Variants in C5orf63 observed in about 807,000 individuals in gnomAD.
The protein encoded by C5orf63 is glutaredoxin-like protein C5orf63.
A neutral mutation model predicts 13.3 loss-of-function variants in C5orf63; 18 were observed. The ratio of observed to expected loss-of-function variants is 1.36; its 90% CI spans 0.94 to 2.01. The LOEUF (loss-of-function observed/expected upper bound fraction) is 2.01. Among genes scored for constraint, C5orf63 ranks in the 30% most tolerant of loss-of-function variants. The pLI is 0.00. For synonymous variants in C5orf63, 38 were observed against 44.7 expected, an observed-to-expected ratio of 0.85 and a Z score of 0.60; for missense variants, 118 against 127.7, an observed-to-expected ratio of 0.92 and a Z score of 0.36.
chr5:127,049,431 T>C (rs1753603854), downstream of C5orf63, among the ~76,000 whole-genome samples: 1 of 152,214 alleles, frequency 6.6e-6, no homozygotes, highest in South Asian at 2.1e-4. Context: ...CCATTGCTTC[T>C]ATTCAGCCAT....
At chr5:127,059,516 C>T (rs1373044083) in intron 2 of C5orf63, among the ~76,000 whole-genome samples, 2 of 151,480 alleles carry the variant, frequency 1.3e-5, no homozygotes, top group African/African-American at 4.9e-5. Context: ...TGACTTGAGC[C>T]CAGGAGTTCA....
intron 2 of C5orf63, among the ~76,000 whole-genome samples, chr5:127,062,938 T>C (rs1161455003): frequency 6.6e-6 from 1 of 151,728 alleles, no homozygotes; most frequent in East Asian, 1.9e-4. Flanking sequence ...TATGCCTCTA[T>C]GATATGAGCA....
chr5:127,072,638 A>ATT (rs142101827), intron 1 of C5orf63, among the ~76,000 whole-genome samples: 1 of 149,642 alleles, frequency 6.7e-6, no homozygotes. Context: ...CATACTATGG[A>ATT]TTTTTTTTTT....
Position 127,072,310 on chromosome 5 carries a change from A to G in C5orf63, c.-109-625T>C, listed in dbSNP as rs72782320. On this transcript the variant is annotated intron_variant, in intron 1 of 4. Transcript: ENST00000296662. ...TAATTATCCAATATTTCCAGGGTGT[A>G]TCTTTTTTCCCCGTGTTTTAAATCT... Among the ~76,000 whole-genome samples, 433 of 152,056 alleles carry G rather than the reference A, an allele frequency of 2.8e-3. 2 individuals carry two copies. The highest frequency in any genetic ancestry group is 3.7e-3 in the Non-Finnish European group (252 of 67,966).
intron 2 of C5orf63, among the ~76,000 whole-genome samples, chr5:127,059,916 C>T (rs537130719): frequency 2.9e-4 from 44 of 152,024 alleles, no homozygotes; most frequent in African/African-American, 1.1e-3. Flanking sequence ...GAGGCCAAGG[C>T]ATCACCTGGG....
At position 127,051,459 on chromosome 5, in the gene C5orf63, T is replaced by A. The variant is rs1427592054; in HGVS notation, c.*312A>T. ...CAGAACCTTCTTCCTATAAATGGCATTGCCCAGTGACTGTGAAGTGCTTCT... is the reference window on the plus strand; with the variant it reads ...CAGAACCTTCTTCCTATAAATGGCAATGCCCAGTGACTGTGAAGTGCTTCT... On this transcript the variant is annotated 3_prime_UTR_variant, in exon 5 of 5. Transcript: ENST00000296662. The A allele has an allele frequency of 6.5e-6, 8 of 1,233,144 alleles. No homozygotes were observed. Among genetic ancestry groups the A allele is most frequent in the Non-Finnish European group, 8.1e-6 (8 of 988,878 alleles). The allele number at this position is 1,233,144 out of a possible 1,614,324, so 76.4% of individuals were successfully genotyped here.
At chr5:127,064,542 T>C (rs1472065398) in intron 2 of C5orf63, among the ~76,000 whole-genome samples, 1 of 152,164 alleles carries the variant, frequency 6.6e-6, no homozygotes, top group African/African-American at 2.4e-5. Flanking sequence ...CACAACACAT[T>C]AAACTATGAA....
chr5:127,070,345 T>C (rs1409028867), intron 2 of C5orf63, among the ~76,000 whole-genome samples: 1 of 152,228 alleles, frequency 6.6e-6, no homozygotes, highest in African/African-American at 2.4e-5. Flanking sequence ...CCTTCCCTCC[T>C]GACTAAAAAT....
downstream of C5orf63, chr5:127,047,579 G>C (rs902489887): frequency 3.2e-6 from 2 of 619,224 alleles, no homozygotes; most frequent in Non-Finnish European, 5.8e-6. Context: ...ACCAACATTA[G>C]GTATATGTAA....
chr5:127,050,617 G>C (rs1753641156), downstream of C5orf63, among the ~76,000 whole-genome samples: 1 of 152,144 alleles, frequency 6.6e-6, no homozygotes, highest in Admixed American at 6.5e-5. Flanking sequence ...CCTGCCAACT[G>C]ACTGGCTGTG....
chr5:127,063,751 G>C (rs1754200017), intron 2 of C5orf63, among the ~76,000 whole-genome samples: 1 of 152,162 alleles, frequency 6.6e-6, no homozygotes, highest in Non-Finnish European at 1.5e-5. Flanking sequence ...AGCTCTCACT[G>C]AACCTATATT....
intron 1 of C5orf63, 129 bp from the exon 2 acceptor site, chr5:127,071,814 A>G (rs1157011465): frequency 6.6e-6 from 1 of 152,220 alleles, no homozygotes; most frequent in African/African-American, 2.4e-5. Context: ...GTAACTGAAT[A>G]CATCAGCCAG....
chr5:127,052,556 T>G (rs1580524756), intron 4 of C5orf63, 57 bp downstream of exon 4: 1 of 1,216,412 alleles, frequency 8.2e-7, no homozygotes, highest in Non-Finnish European at 1.1e-6. Context: ...GGCAGATACT[T>G]TATACCACAT....
chr5:127,051,883 A>G lies in C5orf63; in HGVS notation c.236T>C (p.Phe79Ser). ...ATTCAAGTGAAAGACAGGAATATCA[A>G]ATTTATACCTTTCATACCAGACAGA... ...ENSVWYERYK[F>S]DIPVFHLNGQ... Residue 79 changes from phenylalanine (F) to serine (S), a missense_variant, in exon 5 of 5, where the codon TTT (phenylalanine) becomes TCT (serine). Transcript: ENST00000296662. The G allele has an allele frequency of 6.5e-7, 1 of 1,535,598 alleles. No individual in the cohort carries two copies.
chr5:127,068,972 C>T (rs1173611432), intron 2 of C5orf63, among the ~76,000 whole-genome samples: 1 of 152,198 alleles, frequency 6.6e-6, no homozygotes, highest in African/African-American at 2.4e-5. Flanking sequence ...CCATCCTCAA[C>T]TCCAAAGATA....
chr5:127,058,319 G>T (rs966542196), intron 3 of C5orf63, among the ~76,000 whole-genome samples: 1 of 152,160 alleles, frequency 6.6e-6, no homozygotes, highest in African/African-American at 2.4e-5. Flanking sequence ...GTGTTAATTT[G>T]CTCAGGATAA....
chr5:127,049,285 T>C (rs1753600048), downstream of C5orf63, among the ~76,000 whole-genome samples: 1 of 152,124 alleles, frequency 6.6e-6, no homozygotes, highest in Non-Finnish European at 1.5e-5. Flanking sequence ...CAGTCTCATC[T>C]CCTTCACTCT....
At chr5:127,050,367 GAC>G (rs1753632695), downstream of C5orf63, among the ~76,000 whole-genome samples, 1 of 151,058 alleles carries the variant, frequency 6.6e-6, no homozygotes, top group Non-Finnish European at 1.5e-5. Context: ...TTTTTTAAGA[GAC>G]ACAGTCTCAC....
At chr5:127,066,777 G>GA (rs550542078) in intron 2 of C5orf63, among the ~76,000 whole-genome samples, 12 of 150,114 alleles carry the variant, frequency 8.0e-5, no homozygotes, top group African/African-American at 1.5e-4. Context: ...AAATTGTACA[G>GA]AAAAAAAAAG....
Sources: allele counts gnomAD v4.1 joint callset (sites outside exome capture counted in the v4.1 genomes callset), GRCh38; gene constraint gnomAD v4.1.1; transcripts MANE v1.5; gene names NCBI Gene and HGNC (gene_info 2026-07-23, HGNC 2026-07-21).